ZC2HC1B: variants seen among roughly 807,000 people sequenced by gnomAD.
The protein encoded by ZC2HC1B is zinc finger C2HC-type containing 1B.
A neutral mutation model predicts 31.0 loss-of-function variants in ZC2HC1B; 36 were observed. The ratio of observed to expected loss-of-function variants is 1.16; its 90% CI spans 0.89 to 1.54. ZC2HC1B has a LOEUF of 1.54. Ranked by LOEUF, ZC2HC1B falls within the 40% of genes most tolerant of loss-of-function variation. The probability of loss-of-function intolerance (pLI) is 0.00; values close to 1 mark genes in which losing one functional copy is unlikely to be tolerated. For synonymous variants in ZC2HC1B, 73 were observed against 88.0 expected (o/e 0.83, Z 0.95); for missense variants, 260 against 268.6 (o/e 0.97, Z 0.22).
At chr6:143,877,396 C>T (rs1371804436) in intron 1 of ZC2HC1B, among the ~76,000 whole-genome samples, 2 of 144,824 alleles carry the variant, frequency 1.4e-5, no homozygotes, top group Non-Finnish European at 3.0e-5. Context: ...TATTCTCCTG[C>T]CTCAGCCTCC....
intron 1 of ZC2HC1B, among the ~76,000 whole-genome samples, chr6:143,876,147 A>G (rs937629390): frequency 5.3e-5 from 8 of 150,644 alleles, no homozygotes; most frequent in African/African-American, 1.7e-4. Flanking sequence ...CTTTCTCTAC[A>G]GGAGATAAGA....
At position 143,865,962 on chromosome 6, in the gene ZC2HC1B, T is replaced by G. The variant is rs1351198841; in HGVS notation, c.28+1395T>G. Among the ~76,000 whole-genome samples, 1 of 152,184 alleles carries G rather than the reference T, an allele frequency of 6.6e-6. No individual in the cohort carries two copies. Among genetic ancestry groups the G allele is most frequent in the African/African-American group, 2.4e-5 (1 of 41,450 alleles). ...TCCCGAGTAGCTGGGATTACAGGTG[T>G]GCACCACCATGCCCAGCTAATTTTT... On this transcript the variant is annotated intron_variant, in intron 1 of 7. Transcript: ENST00000237275. The surrounding 1 kb of genome is among the most constrained non-coding windows in gnomAD (Gnocchi z 4.4).
At position 143,911,974 on chromosome 6, in the gene ZC2HC1B, T is replaced by C. The variant is rs932513907; in HGVS notation, c.598+8822T>C. On this transcript the variant is annotated intron_variant, in intron 6 of 7. Coordinates refer to ENST00000237275, the MANE Select transcript of ZC2HC1B (RefSeq NM_001013623.3). The surrounding 1 kb of genome is among the most constrained non-coding windows in gnomAD (Gnocchi z 4.5). The stretch of plus-strand genomic sequence containing the variant: ...AGGTTTTGTTCTTTTTTTTCATTCT[T>C]TTTTCTCTATTTTTGTCAGCCTGTC... 6.6e-6 allele frequency among the ~76,000 whole-genome samples: 1 copy of C among 152,176 alleles called. No homozygotes were observed. The highest frequency in any genetic ancestry group is 2.4e-5 in the African/African-American group (1 of 41,430).
rs551639091 is a variant in ZC2HC1B at position 143,876,697 on chromosome 6, C to G, written c.29-7607C>G. On this transcript the variant is annotated intron_variant, in intron 1 of 7. Coordinates refer to ENST00000237275, the MANE Select transcript of ZC2HC1B (RefSeq NM_001013623.3). The stretch of plus-strand genomic sequence containing the variant: ...ATGATCACAAGGTCCCACAATAGGC[C>G]ATCTGCAAGCTGAGGAGCAAGGAGA... 3.3e-5 allele frequency among the ~76,000 whole-genome samples: 5 copies of G among 150,512 alleles called. No individual in the cohort carries two copies. In the South Asian group the frequency reaches 1.1e-3, roughly 32 times the overall value.
chr6:143,881,412 G>A (rs1004276335), intron 1 of ZC2HC1B, among the ~76,000 whole-genome samples: 1 of 151,988 alleles, frequency 6.6e-6, no homozygotes, highest in East Asian at 1.9e-4. Flanking sequence ...CTAGCTGGGT[G>A]TGGTGGCACA....
chr6:143,881,830 G>T (rs1186661842), intron 1 of ZC2HC1B: 1 of 152,098 alleles, frequency 6.6e-6, no homozygotes, highest in Non-Finnish European at 1.5e-5. Flanking sequence ...GTTGAATGTG[G>T]TTCAGAAGGT....
intron 1 of ZC2HC1B, among the ~76,000 whole-genome samples, chr6:143,875,551 A>G (rs895911726): frequency 1.3e-5 from 2 of 150,728 alleles, no homozygotes; most frequent in Admixed American, 6.6e-5. Flanking sequence ...ATCCAACTCT[A>G]TGTTCCTTCC....
rs777789592 is a variant in ZC2HC1B, at chr6:143,937,672, G to T, written c.622G>T (p.Gly208Ter). 12 of 1,550,904 alleles carry T rather than the reference G, an allele frequency of 7.7e-6. No individual in the cohort carries two copies. The South Asian group carries it at 1.1e-4, about 14-fold the overall frequency. The change falls in exon 7 of 8, where the codon GGA (glycine) becomes TGA (stop). Residue 208 changes from glycine (G) to a stop codon, truncating the protein, a stop_gained. Transcript: ENST00000237275. LOFTEE classifies it high-confidence loss of function. ...KSGLAMDPASGAKLRQGFSKS... is the reference protein window; with the variant it reads ...KSGLAMDPAS ...AGGATTAGCTATGGACCCTGCTTCT[G>T]GAGCAAAACTCAGACAAGGATTTAG...
At chr6:143,925,400 C>G (rs1778023943) in intron 6 of ZC2HC1B, among the ~76,000 whole-genome samples, 1 of 151,768 alleles carries the variant, frequency 6.6e-6, no homozygotes, top group Admixed American at 6.6e-5. Context: ...TGGTCTCGAT[C>G]TCCTGACTTC....
intron 1 of ZC2HC1B, among the ~76,000 whole-genome samples, chr6:143,875,418 A>G (rs1350228176): frequency 7.2e-6 from 1 of 139,628 alleles, no homozygotes; most frequent in African/African-American, 2.7e-5. Context: ...CCAGTGGGCC[A>G]TCTTTTAATC....
chr6:143,890,987 C>T (rs1341698952), intron 4 of ZC2HC1B, among the ~76,000 whole-genome samples: 2 of 151,412 alleles, frequency 1.3e-5, no homozygotes, highest in African/African-American at 4.9e-5. Flanking sequence ...AAAAATTAGC[C>T]GGGTGCAGTG....
chr6:143,907,455 T>A (rs1049173072), intron 6 of ZC2HC1B, among the ~76,000 whole-genome samples: 2 of 152,250 alleles, frequency 1.3e-5, no homozygotes, highest in African/African-American at 2.4e-5. Context: ...ATTTTTTAAC[T>A]TTTTAATAAT....
At chr6:143,879,926 G>C (rs1040327130) in intron 1 of ZC2HC1B, among the ~76,000 whole-genome samples, 3 of 144,548 alleles carry the variant, frequency 2.1e-5, no homozygotes, top group Non-Finnish European at 3.0e-5. Context: ...CTGGACTCAA[G>C]TGATTCTTTG....
chr6:143,886,856 G>A lies in ZC2HC1B; in HGVS notation c.349+35G>A. The stretch of plus-strand genomic sequence containing the variant: ...CATTTTGGGTTGCTTTTGAGGCTAT[G>A]CTTGACTTTTGACCAAATCATCATG... On this transcript the variant is annotated intron_variant, in intron 4 of 7. Transcript: ENST00000237275. The surrounding 1 kb of genome is among the most constrained non-coding windows in gnomAD (Gnocchi z 4.2). 6.8e-7 allele frequency: 1 copy of A among 1,463,744 alleles called. No individual in the cohort carries two copies. The highest frequency in any genetic ancestry group is 9.0e-7 in the Non-Finnish European group (1 of 1,106,282). The allele number at this position is 1,463,744 out of a possible 1,614,324, so 90.7% of individuals were successfully genotyped here. A position where few individuals can be genotyped will look rare whatever the true frequency, so the allele number is the denominator to read the frequency against.
At chr6:143,898,527 C>G (rs946068723) in intron 4 of ZC2HC1B, 25 bp from the exon 5 acceptor site, 3 of 1,549,742 alleles carry the variant, frequency 1.9e-6, no homozygotes, top group Non-Finnish European at 2.6e-6. Context: ...TGCTAATTGC[C>G]ATTTGTTGTT....
intron 6 of ZC2HC1B, among the ~76,000 whole-genome samples, chr6:143,930,079 T>C (rs1778100705): frequency 6.6e-6 from 1 of 152,152 alleles, no homozygotes; most frequent in African/African-American, 2.4e-5. Flanking sequence ...GTGTTTTTGG[T>C]CTCAAGTTCA....
chr6:143,878,189 G>A (rs1777429647), intron 1 of ZC2HC1B, among the ~76,000 whole-genome samples: 1 of 150,866 alleles, frequency 6.6e-6, no homozygotes, highest in Non-Finnish European at 1.5e-5. Flanking sequence ...TTTCCCAGTT[G>A]AGGGTGAACA....
At chr6:143,894,456 T>C (rs905654452) in intron 4 of ZC2HC1B, among the ~76,000 whole-genome samples, 5 of 152,156 alleles carry the variant, frequency 3.3e-5, no homozygotes, top group Non-Finnish European at 5.9e-5. Flanking sequence ...AATAGGTGCA[T>C]TTAGTTGTGT....
chr6:143,902,988 A>C lies in ZC2HC1B; in HGVS notation c.490-56A>C, dbSNP rs553143941. On this transcript the variant is annotated intron_variant, in intron 5 of 7. Coordinates refer to ENST00000237275, the MANE Select transcript of ZC2HC1B (RefSeq NM_001013623.3). ...GGAACAGCTGTACCTCCTATGTGGCACCTGAGGTTACATACAGAAGGTGTT... is the reference window on the plus strand; with the variant it reads ...GGAACAGCTGTACCTCCTATGTGGCCCCTGAGGTTACATACAGAAGGTGTT... 7.0e-5 allele frequency: 105 copies of C among 1,502,546 alleles called. 1 individual carries two copies. The South Asian group carries it at 1.2e-3, about 17-fold the overall frequency. The allele number at this position is 1,502,546 out of a possible 1,614,324, so 93.1% of individuals were successfully genotyped here.
Sources: gnomAD v4.1 joint callset for allele counts (sites outside exome capture counted in the v4.1 genomes callset) on GRCh38, gnomAD v4.1.1 for gene constraint, Gnocchi (gnomAD v3.1) non-coding constraint, MANE v1.5 for transcripts, NCBI Gene and HGNC (gene_info 2026-07-23, HGNC 2026-07-21) for gene names.